Variants in KIF20B observed in about 807,000 individuals in gnomAD.
KIF20B encodes the protein kinesin-like protein KIF20B.
A neutral mutation model predicts 232.5 loss-of-function variants in KIF20B; 188 were observed. The observed-to-expected ratio is 0.81, with a 90% CI of 0.72 to 0.91. The LOEUF is 0.91. Among genes scored for constraint, KIF20B ranks in the 40% least tolerant of loss-of-function variants. The probability of loss-of-function intolerance (pLI) is 0.00; values close to 1 mark genes in which losing one functional copy is unlikely to be tolerated. For synonymous variants in KIF20B, 712 were observed against 683.0 expected (o/e 1.04, Z -0.66); for missense variants, 2,154 against 2,055.9 (o/e 1.05, Z -0.92).
In KIF20B at chr10:89,719,627, T is replaced by C. The variant is rs765098083; in HGVS notation, c.1643T>C (p.Val548Ala). 6.2e-7 allele frequency: 1 copy of C among 1,613,150 alleles called. No individual in the cohort carries two copies. The highest frequency in any genetic ancestry group is 8.5e-7 in the Non-Finnish European group (1 of 1,179,356). Residue 548 changes from valine to alanine, a missense_variant, in exon 13 of 33, where the codon GTG becomes GCG. Transcript: ENST00000371728. ...GAAAACGCTGAAGAAACTCAAAATG[T>C]GGAAACTAAACTTCTTGATGAAGAT... is the stretch of plus-strand genomic sequence containing the variant. The part of the protein sequence containing the change: ...ELENAEETQN[V>A]ETKLLDEDLD...
chr10:89,723,664 C>G (rs1471842997), intron 13 of KIF20B: 1 of 167,304 alleles, frequency 6.0e-6, no homozygotes, highest in Non-Finnish European at 1.3e-5. Flanking sequence ...ATGGAACTCC[C>G]CAGAGTAGTT....
chr10:89,725,912 T>C (rs1205816853), intron 15 of KIF20B, among the ~76,000 whole-genome samples: 1 of 152,220 alleles, frequency 6.6e-6, no homozygotes, highest in Non-Finnish European at 1.5e-5. Flanking sequence ...AAGCAAACCT[T>C]ATGTATCCTT....
At position 89,717,651 on chromosome 10, in the gene KIF20B, T is replaced by C; in HGVS notation, c.1200T>C (p.Thr400=). The stretch of plus-strand genomic sequence containing the variant: ...ATGAAGGTGAAAGGTTAAGAGAGAC[T>C]GGGAATATCAACACTTCTTTATTGA... The part of the protein sequence containing the change: ...TQNEGERLRE[T]GNINTSLLTL... Residue 400 remains threonine, a synonymous_variant, in exon 11 of 33, where the codon ACT becomes ACC. Coordinates refer to ENST00000371728, the MANE Select transcript of KIF20B (RefSeq NM_001284259.2). 1 of 1,609,882 alleles carries C rather than the reference T, an allele frequency of 6.2e-7. No homozygotes were observed. Among genetic ancestry groups the C allele is most frequent in the Non-Finnish European group, 8.5e-7 (1 of 1,176,656 alleles).
chr10:89,750,261 G>A (rs7909502), intron 23 of KIF20B, among the ~76,000 whole-genome samples: 117,736 of 151,986 alleles, frequency 0.77, 45,930 homozygotes, highest in South Asian at 0.93. Context: ...TTTAGAGTCA[G>A]AAATGCAAAG....
rs1424120957 is a variant in KIF20B at position 89,758,750 on chromosome 10, A to G, written c.4548A>G (p.Gln1516=). 3.7e-6 allele frequency: 6 copies of G among 1,607,716 alleles called. No homozygotes were observed. Among genetic ancestry groups the G allele is most frequent in the Non-Finnish European group, 5.1e-6 (6 of 1,177,190 alleles). Residue 1516 remains glutamine (Q), a synonymous_variant, in exon 27 of 33, where the codon CAA becomes CAG. Transcript: ENST00000371728. ...TGACAGAGAAAGATAGTGACCTTCAAAAGTGGCGAGAAGAACGAGATCAAC... is the reference window on the plus strand; with the variant it reads ...TGACAGAGAAAGATAGTGACCTTCAGAAGTGGCGAGAAGAACGAGATCAAC... The part of the protein sequence containing the change: ...AQLTEKDSDL[Q]KWREERDQLV...
intron 19 of KIF20B, among the ~76,000 whole-genome samples, chr10:89,733,439 G>T (rs1486102462): frequency 6.6e-6 from 1 of 152,042 alleles, no homozygotes; most frequent in African/African-American, 2.4e-5. Context: ...TTTACAGTAA[G>T]ACTTTGAGCT....
intron 21 of KIF20B, among the ~76,000 whole-genome samples, chr10:89,741,039 A>G (rs553660814): frequency 1.3e-5 from 2 of 152,324 alleles, no homozygotes; most frequent in South Asian, 4.1e-4. Context: ...TTACATTGTA[A>G]TATATAATGA....
chr10:89,715,810 G>A (rs1842923158), intron 8 of KIF20B, among the ~76,000 whole-genome samples: 1 of 151,880 alleles, frequency 6.6e-6, no homozygotes. Context: ...GGTCAACATG[G>A]CAAAACGCCA....
At position 89,732,998 on chromosome 10, in the gene KIF20B, A is replaced by G; in HGVS notation, c.2487A>G (p.Ser829=). Residue 829 remains serine, a synonymous_variant, in exon 19 of 33, where the codon TCA becomes TCG. Coordinates refer to ENST00000371728, the MANE Select transcript of KIF20B (RefSeq NM_001284259.2). ...VPKDSKSKIC[S]ERKRVNENEL... is the part of the protein sequence containing the mutation. Reference sequence around the variant, plus strand: ...AGGACAGCAAATCTAAAATCTGTTCAGAAAGAAAAAGAGTAAATGAAAATG... The same window carrying G: ...AGGACAGCAAATCTAAAATCTGTTCGGAAAGAAAAAGAGTAAATGAAAATG... The G allele has an allele frequency of 6.2e-7, 1 of 1,613,796 alleles. No homozygotes were observed. The highest frequency in any genetic ancestry group is 8.5e-7 in the Non-Finnish European group (1 of 1,179,774).
chr10:89,704,153 A>G (rs1227995302), intron 1 of KIF20B, among the ~76,000 whole-genome samples: 1 of 152,190 alleles, frequency 6.6e-6, no homozygotes, highest in Non-Finnish European at 1.5e-5. Context: ...CTGTAGAGCT[A>G]TTATGCAAGG....
chr10:89,717,536 T>C lies in KIF20B; in HGVS notation c.1125-40T>C, dbSNP rs746116898. 3.8e-6 allele frequency: 6 copies of C among 1,590,208 alleles called. No individual in the cohort carries two copies. In the African/African-American group the frequency reaches 8.1e-5, roughly 22 times the overall value. ...TTTAAATTTAATTATTTGTAATTGT[T>C]TTGAAGAACTTTTAAAGTACTTTTT... On this transcript the variant is annotated intron_variant, in intron 10 of 32. Transcript: ENST00000371728.
rs753281130 is a variant in KIF20B at position 89,743,870 on chromosome 10, GAAA to G, written c.3981_3983del (p.Lys1327del). 4.4e-6 allele frequency: 7 copies of G among 1,587,674 alleles called. No homozygotes were observed. The African/African-American group carries it at 9.5e-5, about 22-fold the overall frequency. On this transcript the variant is annotated inframe_deletion, in exon 22 of 33. Transcript: ENST00000371728. The stretch of plus-strand genomic sequence containing the variant: ...TTAAAATTAATGAACTGGAGAAAAA[GAAA>G]AACCAGTGTTCTCAGGAATTAGATA...
Position 89,743,896 on chromosome 10 carries a change from A to G in KIF20B, c.4004A>G (p.Asp1335Gly). The G allele has an allele frequency of 1.4e-5, 22 of 1,590,604 alleles. No individual in the cohort carries two copies. The highest frequency in any genetic ancestry group is 1.9e-5 in the Non-Finnish European group (22 of 1,171,882). ...AAAAACCAGTGTTCTCAGGAATTAG[A>G]TATGAAACAGCGAACCATTCAGCAA... ...KKKNQCSQEL[D>G]MKQRTIQQLK... Residue 1335 changes from aspartate to glycine, a missense_variant, in exon 22 of 33, where the codon GAT becomes GGT. Coordinates refer to ENST00000371728, the MANE Select transcript of KIF20B (RefSeq NM_001284259.2).
chr10:89,703,715 T>C (rs1484009629), intron 1 of KIF20B, among the ~76,000 whole-genome samples: 4 of 151,480 alleles, frequency 2.6e-5, no homozygotes, highest in African/African-American at 4.9e-5. Flanking sequence ...AGTAAATGGA[T>C]GCTTCAGAAT....
intron 14 of KIF20B, among the ~76,000 whole-genome samples, chr10:89,724,750 G>A (rs1245766842): frequency 4.6e-5 from 7 of 152,066 alleles, no homozygotes; most frequent in Non-Finnish European, 2.9e-5. Flanking sequence ...CTGAGTAGCT[G>A]GGATTACAGG....
chr10:89,715,063 C>T lies in KIF20B; in HGVS notation c.821C>T (p.Ser274Phe). 6.2e-7 allele frequency: 1 copy of T among 1,606,454 alleles called. No homozygotes were observed. The highest frequency in any genetic ancestry group is 8.5e-7 in the Non-Finnish European group (1 of 1,175,744). Residue 274 changes from serine to phenylalanine, a missense_variant, in exon 8 of 33, where the codon TCT (serine) becomes TTT (phenylalanine). Ser to Phe is a radical substitution (Grantham distance 155). Coordinates refer to ENST00000371728, the MANE Select transcript of KIF20B (RefSeq NM_001284259.2). ...AGTATAAAATTTTCTGTGTGGGTTT[C>T]TTTCTTTGAAATTTACAATGAATAT... ...ANSIKFSVWV[S>F]FFEIYNEYIY...
rs772469205 is a variant in KIF20B, at chr10:89,751,429, G to T, written c.4180G>T (p.Val1394Leu). The change falls in exon 24 of 33, where the codon GTG (valine) becomes TTG (leucine). Residue 1394 changes from valine to leucine, a missense_variant. Val to Leu is a conservative substitution (Grantham distance 32, BLOSUM62 1). Coordinates refer to ENST00000371728, the MANE Select transcript of KIF20B (RefSeq NM_001284259.2). ...QEQTQVEQDQ[V>L]LEAKLEEVER... ...ACAAACTCAGGTAGAACAGGATCAA[G>T]TGCTTGAGGCTAAATTAGAGGAAGT... 3.4e-5 allele frequency: 54 copies of T among 1,609,832 alleles called. No homozygotes were observed. The highest frequency in any genetic ancestry group is 4.6e-5 in the Non-Finnish European group (54 of 1,178,164).
At chr10:89,721,806 A>G (rs890537572) in intron 13 of KIF20B, among the ~76,000 whole-genome samples, 2 of 152,188 alleles carry the variant, frequency 1.3e-5, no homozygotes, top group African/African-American at 4.8e-5. Flanking sequence ...GATGGATTAT[A>G]TAGTATAAAT....
chr10:89,710,807 A>T (rs1842822125), intron 5 of KIF20B, among the ~76,000 whole-genome samples, 154 bp from the exon 6 acceptor site: 2 of 152,262 alleles, frequency 1.3e-5, no homozygotes, highest in African/African-American at 4.8e-5. Context: ...TGTGAATAAC[A>T]AAGTGATGGA....
Sources: gnomAD v4.1 joint callset for allele counts (sites outside exome capture counted in the v4.1 genomes callset) on GRCh38, gnomAD v4.1.1 for gene constraint, MANE v1.5 for transcripts, NCBI Gene and HGNC (gene_info 2026-07-23, HGNC 2026-07-21) for gene names.